The following CA5A variants were observed in gnomAD, a reference collection of about 807,000 sequenced individuals.
CA5A encodes carbonic anhydrase 5A, mitochondrial.
A neutral mutation model predicts 37.1 loss-of-function variants in CA5A; 28 were observed. The observed-to-expected ratio is 0.75, with a 90% confidence interval of 0.56 to 1.03. The LOEUF (loss-of-function observed/expected upper bound fraction) is 1.03, where lower values mean the gene tolerates loss of function less well. CA5A is among the 50% of genes least tolerant of loss of function. The probability of loss-of-function intolerance (pLI) is 0.00; values close to 1 mark genes in which losing one functional copy is unlikely to be tolerated. For synonymous variants in CA5A, 171 were observed against 158.4 expected (o/e 1.08, Z -0.60); for missense variants, 444 against 399.9 (o/e 1.11, Z -0.94).
At chr16:87,891,684 C>G in intron 6 of CA5A, 115 bp downstream of exon 6, 1 of 965,990 alleles carries the variant, frequency 1.0e-6, no homozygotes, top group Admixed American at 4.1e-5. Flanking sequence ...GCCCCAAATG[C>G]ATGAAAGAAT....
At chr16:87,909,365 G>A (rs8053752) in intron 2 of CA5A, among the ~76,000 whole-genome samples, 11,362 of 152,204 alleles carry the variant, frequency 0.075, 601 homozygotes, top group African/African-American at 0.16. Context: ...GCACGCTCAG[G>A]GGAAAACCCA....
intron 1 of CA5A, among the ~76,000 whole-genome samples, chr16:87,934,110 A>G (rs1223875499): frequency 3.3e-5 from 5 of 152,256 alleles, no homozygotes; most frequent in Non-Finnish European, 2.9e-5. Flanking sequence ...TGTGTTAGCA[A>G]CAGCAGCAGC....
At chr16:87,913,663 CCTCT>C (rs1030756963) in intron 2 of CA5A, among the ~76,000 whole-genome samples, 5,268 of 115,472 alleles carry the variant, frequency 0.046, 354 homozygotes, top group African/African-American at 0.2. Context: ...GCCCCCCCCT[CCTCT>C]CCAATACGAA....
intron 2 of CA5A, chr16:87,924,030 C>G (rs1371700743): frequency 2.0e-6 from 2 of 985,306 alleles, no homozygotes; most frequent in Non-Finnish European, 2.4e-6. Flanking sequence ...GAACTTGGAA[C>G]AGACCAACAA....
rs2056332205 is a variant in CA5A, at chr16:87,927,746, A to C, written c.143-801T>G. Among the ~76,000 whole-genome samples the C allele has an allele frequency of 2.0e-5, 3 of 151,748 alleles. No individual in the cohort carries two copies. In the South Asian group the frequency reaches 6.2e-4, roughly 32 times the overall value. Reference sequence around the variant, plus strand: ...TGTGGTGGCGGGCGCCTGTAATCCCAGGTACTCAGGAGGCTGAGGCAGGAG... The same window carrying C: ...TGTGGTGGCGGGCGCCTGTAATCCCCGGTACTCAGGAGGCTGAGGCAGGAG... On this transcript the variant is annotated intron_variant, in intron 1 of 6. Transcript: ENST00000649794.
intron 1 of CA5A, among the ~76,000 whole-genome samples, chr16:87,930,981 T>C (rs8045622): frequency 0.77 from 116,225 of 151,800 alleles, 44,838 homozygotes; most frequent in African/African-American, 0.79. Flanking sequence ...CCTTGTGATC[T>C]GCCTGCCTCG....
In CA5A at chr16:87,915,526, ATTTTTTTTTTT is replaced by A. The variant is rs59358304; in HGVS notation, c.341-10633_341-10623del. The stretch of plus-strand genomic sequence containing the variant: ...CAACAGTACCAGATCCTGTGTCAAA[ATTTTTTTTTTT>A]TTTTTTTTTTTTTTTGTGGCTCACA... On this transcript the variant is annotated intron_variant, in intron 2 of 6. Coordinates refer to ENST00000649794, the MANE Select transcript of CA5A (RefSeq NM_001739.2). Among the ~76,000 whole-genome samples, 5 of 73,012 alleles carry A rather than the reference ATTTTTTTTTTT, an allele frequency of 6.8e-5. No individual in the cohort carries two copies. The South Asian group carries it at 2.1e-3, about 31-fold the overall frequency. 47.9% of individuals were successfully genotyped at this position (73,012 alleles called of 152,430 possible).
At chr16:87,914,618 A>T (rs1373209828) in intron 2 of CA5A, among the ~76,000 whole-genome samples, 1 of 151,894 alleles carries the variant, frequency 6.6e-6, no homozygotes, top group Non-Finnish European at 1.5e-5. Flanking sequence ...GCAGGGAGGG[A>T]AGGGGCAGTT....
At chr16:87,888,841 C>G (rs2055674117) in intron 6 of CA5A, among the ~76,000 whole-genome samples, 1 of 152,190 alleles carries the variant, frequency 6.6e-6, no homozygotes, top group African/African-American at 2.4e-5. Flanking sequence ...CAACCTCCGC[C>G]TCCCAGGTTC....
At chr16:87,933,925 T>C (rs1343767080) in intron 1 of CA5A, among the ~76,000 whole-genome samples, 3 of 152,084 alleles carry the variant, frequency 2.0e-5, no homozygotes, top group Non-Finnish European at 2.9e-5. Flanking sequence ...GAGCCCTCTG[T>C]TCACTGGGAA....
chr16:87,921,620 T>G (rs1597578913), intron 2 of CA5A, among the ~76,000 whole-genome samples: 1 of 152,210 alleles, frequency 6.6e-6, no homozygotes, highest in African/African-American at 2.4e-5. Flanking sequence ...CTCCTGTTTC[T>G]GGACCCCGTG....
Position 87,891,806 on chromosome 16 carries a change from G to C in CA5A, c.767C>G (p.Pro256Arg). 1 of 1,527,758 alleles carries C rather than the reference G, an allele frequency of 6.5e-7. No homozygotes were observed. Among genetic ancestry groups the C allele is most frequent in the Non-Finnish European group, 8.8e-7 (1 of 1,141,264 alleles). The allele number at this position is 1,527,758 out of a possible 1,614,324, so 94.6% of individuals were successfully genotyped here. The change falls in exon 6 of 7, where the codon CCA becomes CGA. Residue 256 changes from proline to arginine, a missense_variant. Transcript: ENST00000649794. ...IIQKEPVEVA[P>R]SQLSAFRTLL... Reference sequence around the variant, plus strand: ...GTTACGGGCACGGCTCACCTGGCTTGGGGCCACTTCAACGGGCTCCTTCTG... The same window carrying C: ...GTTACGGGCACGGCTCACCTGGCTTCGGGCCACTTCAACGGGCTCCTTCTG...
At chr16:87,915,465 A>G (rs1217560003) in intron 2 of CA5A, among the ~76,000 whole-genome samples, 2 of 151,160 alleles carry the variant, frequency 1.3e-5, no homozygotes, top group Non-Finnish European at 2.9e-5. Flanking sequence ...AGCTCAGGAG[A>G]AGCTTGCAGT....
At chr16:87,932,444 G>A (rs549817025) in intron 1 of CA5A, among the ~76,000 whole-genome samples, 34 of 152,280 alleles carry the variant, frequency 2.2e-4, no homozygotes, top group African/African-American at 5.8e-4. Context: ...TGAACTCAGC[G>A]TGTGTCACCC....
intron 2 of CA5A, among the ~76,000 whole-genome samples, chr16:87,916,345 C>G (rs771141847): frequency 2.6e-4 from 40 of 151,618 alleles, no homozygotes; most frequent in Non-Finnish European, 5.6e-4. Context: ...GTGTAGATCC[C>G]AAATATTTAG....
At position 87,926,827 on chromosome 16, in the gene CA5A, A is replaced by G; in HGVS notation, c.261T>C (p.Tyr87=). ...DPQLKPLRVS[Y]EAASCLYIWN... is the part of the protein sequence containing the mutation. Reference sequence around the variant, plus strand: ...AGATGTACAGGCAGGATGCCGCTTCATAGGAGACCCTGAGTGGCTTCAGCT... The same window carrying G: ...AGATGTACAGGCAGGATGCCGCTTCGTAGGAGACCCTGAGTGGCTTCAGCT... The change falls in exon 2 of 7, where the codon TAT becomes TAC. Residue 87 remains tyrosine (Y), a synonymous_variant. Coordinates refer to ENST00000649794, the MANE Select transcript of CA5A (RefSeq NM_001739.2). 1 of 1,614,168 alleles carries G rather than the reference A, an allele frequency of 6.2e-7. No individual in the cohort carries two copies. The highest frequency in any genetic ancestry group is 8.5e-7 in the Non-Finnish European group (1 of 1,179,992).
chr16:87,925,791 C>A (rs1379286403), intron 2 of CA5A, among the ~76,000 whole-genome samples: 1 of 152,178 alleles, frequency 6.6e-6, no homozygotes, highest in Non-Finnish European at 1.5e-5. Flanking sequence ...CAGGACCTCT[C>A]AAGTCACCTC....
intron 2 of CA5A, among the ~76,000 whole-genome samples, chr16:87,913,879 G>A (rs1204561099): frequency 6.6e-6 from 1 of 152,226 alleles, no homozygotes; most frequent in African/African-American, 2.4e-5. Context: ...GGCCCAAGGG[G>A]GGTCATCTGG....
At chr16:87,883,952 A>T (rs2055628753), downstream of CA5A, 1 of 151,570 alleles carries the variant, frequency 6.6e-6, no homozygotes, top group Admixed American at 6.6e-5. Context: ...TAACCTACTT[A>T]TTCTTTATCT....
Sources: gnomAD v4.1 joint callset for allele counts (sites outside exome capture counted in the v4.1 genomes callset) on GRCh38, gnomAD v4.1.1 for gene constraint, MANE v1.5 for transcripts, NCBI Gene and HGNC (gene_info 2026-07-23, HGNC 2026-07-21) for gene names.